The following TBXAS1 variants were observed in gnomAD, a reference collection of about 807,000 sequenced individuals.
TBXAS1 encodes thromboxane A synthase 1, also known as thromboxane-A synthase.
TBXAS1 carries 48 observed loss-of-function variants against 60.7 expected under a neutral mutation model. That is an observed-to-expected ratio of 0.79 (90% CI 0.63 to 1.01). TBXAS1 has a LOEUF of 1.01. Ranked by LOEUF, TBXAS1 falls within the 50% of genes least tolerant of loss-of-function variation. TBXAS1 has a pLI of 0.00. For missense variants in TBXAS1, 685 were observed against 686.3 expected, an observed-to-expected ratio of 1.00 and a Z score of 0.02; for synonymous variants, 287 against 269.7, an observed-to-expected ratio of 1.06 and a Z score of -0.63.
chr7:139,921,341 G>T (rs762837465), intron 4 of TBXAS1, among the ~76,000 whole-genome samples: 8 of 152,152 alleles, frequency 5.3e-5, no homozygotes, highest in Non-Finnish European at 1.0e-4. Flanking sequence ...CTTACAGTAT[G>T]TATCCTTTTG....
intron 2 of TBXAS1, among the ~76,000 whole-genome samples, chr7:139,872,602 C>T (rs935877516): frequency 5.9e-5 from 9 of 152,012 alleles, no homozygotes; most frequent in African/African-American, 1.4e-4. Flanking sequence ...TGCACTGAGC[C>T]GAGATTGCAC....
At chr7:139,888,510 T>TC (rs1379891667) in intron 3 of TBXAS1, among the ~76,000 whole-genome samples, 2 of 152,178 alleles carry the variant, frequency 1.3e-5, no homozygotes, top group Non-Finnish European at 2.9e-5. Context: ...TGGGTTTTTT[T>TC]CCCACAGTCT....
At chr7:139,809,233 T>TAGATGATAGATAGATAGATAGATA (rs1554466810) in intron 4 of TBXAS1, among the ~76,000 whole-genome samples, 5 of 130,998 alleles carry the variant, frequency 3.8e-5, no homozygotes, top group Non-Finnish European at 8.0e-5. Flanking sequence ...GATAGATAGA[T>TAGATGATAGATAGATAGATAGATA]GATAGATAGA....
chr7:139,947,523 C>T (rs1375034637), intron 5 of TBXAS1, among the ~76,000 whole-genome samples: 1 of 152,192 alleles, frequency 6.6e-6, no homozygotes, highest in Admixed American at 6.5e-5. Flanking sequence ...ATGTAACAAA[C>T]CTGCATGTCC....
intron 1 of TBXAS1, among the ~76,000 whole-genome samples, chr7:139,840,585 C>T (rs1480598813): frequency 6.6e-6 from 1 of 152,126 alleles, no homozygotes; most frequent in Non-Finnish European, 1.5e-5. Flanking sequence ...GAGATGGTCC[C>T]TTGAAAACGG....
chr7:139,941,680 TC>T (rs954460106), intron 5 of TBXAS1, among the ~76,000 whole-genome samples: 1 of 152,194 alleles, frequency 6.6e-6, no homozygotes, highest in Admixed American at 6.5e-5. Context: ...TTTCACTCCA[TC>T]CCCCGAAGAA....
chr7:139,801,849 T>C (rs6976974), intron 4 of TBXAS1, among the ~76,000 whole-genome samples: 104,331 of 151,940 alleles, frequency 0.69, 37,532 homozygotes, highest in East Asian at 0.95. Context: ...CTGCAACCTC[T>C]GCCTCCCAGG....
rs148406222 is a variant in TBXAS1, at chr7:140,000,679, C to G, written c.1135-6412C>G. On this transcript the variant is annotated intron_variant, in intron 9 of 12. Transcript: ENST00000448866. ...GAATGTAAATCACTAGGTAAAGATT[C>G]TGTTTATTTTATTTCCATGTTTCCC... Among the ~76,000 whole-genome samples, 638 of 119,102 alleles carry G rather than the reference C, an allele frequency of 5.4e-3. 2 individuals are homozygous for G. The highest frequency in any genetic ancestry group is 0.027 in the African/African-American group (598 of 21,840). The allele number at this position is 119,102 out of a possible 152,430, so 78.1% of individuals were successfully genotyped here.
intron 1 of TBXAS1, among the ~76,000 whole-genome samples, chr7:139,847,171 T>C (rs1238040858): frequency 1.3e-5 from 2 of 152,220 alleles, no homozygotes; most frequent in Admixed American, 1.3e-4. Flanking sequence ...AGCTTTAAAC[T>C]CAATTTGTTT....
chr7:139,914,442 A>G (rs1168510140), intron 4 of TBXAS1, among the ~76,000 whole-genome samples: 3 of 152,200 alleles, frequency 2.0e-5, no homozygotes, highest in Non-Finnish European at 4.4e-5. Context: ...AACCAGTGGC[A>G]GAACTTCTTA....
intron 1 of TBXAS1, among the ~76,000 whole-genome samples, chr7:139,861,920 C>A (rs750490078): frequency 6.6e-6 from 1 of 152,182 alleles, no homozygotes; most frequent in African/African-American, 2.4e-5. Flanking sequence ...CCAGGCATCA[C>A]GTTGCCCAAA....
Position 140,007,126 on chromosome 7 carries a change from GC to G in TBXAS1, c.1173del (p.Tyr392IlefsTer5), listed in dbSNP as rs1483215320. 1 of 1,614,020 alleles carries G rather than the reference GC, an allele frequency of 6.2e-7. No homozygotes were observed. The highest frequency in any genetic ancestry group is 2.2e-5 in the East Asian group (1 of 44,886). On this transcript the variant is annotated frameshift_variant, in exon 10 of 13. Coordinates refer to ENST00000448866, the MANE Select transcript of TBXAS1 (RefSeq NM_001061.7). LOFTEE classifies it high-confidence loss of function. The part of the protein sequence containing the change: ...PEFCSLEEGL[P>X]YLDMVIAETL... Reference sequence around the variant, plus strand: ...AGTTCTGCAGCCTCGAGGAAGGCCTGCCCTATCTGGACATGGTGATTGCAGA... The same window carrying G: ...AGTTCTGCAGCCTCGAGGAAGGCCTGCCTATCTGGACATGGTGATTGCAGA...
chr7:139,958,942 A>C (rs1338648215), intron 8 of TBXAS1, among the ~76,000 whole-genome samples: 1 of 152,116 alleles, frequency 6.6e-6, no homozygotes, highest in East Asian at 1.9e-4. Flanking sequence ...CAGGGGGAGA[A>C]GGGATAAAGA....
intron 1 of TBXAS1, among the ~76,000 whole-genome samples, chr7:139,850,295 G>A (rs1158886194): frequency 6.6e-6 from 1 of 152,218 alleles, no homozygotes; most frequent in East Asian, 1.9e-4. Flanking sequence ...TAAAAAAGAT[G>A]TGCTGACTGA....
At position 139,851,560 on chromosome 7, in the gene TBXAS1, T is replaced by C. The variant is rs1352878205; in HGVS notation, c.90-20675T>C. ...TCCAGTAAAAGCATGGCAGATCCTA[T>C]CTACTCTCTTAGTGATGCACAATGA... is the stretch of plus-strand genomic sequence containing the variant. On this transcript the variant is annotated intron_variant, in intron 1 of 12. Transcript: ENST00000448866. Among the ~76,000 whole-genome samples the C allele has an allele frequency of 3.3e-5, 5 of 152,370 alleles. No homozygotes were observed. In the East Asian group the frequency reaches 9.6e-4, roughly 29 times the overall value.
intron 6 of TBXAS1, 73 bp downstream of exon 6, chr7:139,953,529 G>A (rs1343675796): frequency 1.4e-6 from 2 of 1,419,638 alleles, no homozygotes; most frequent in Non-Finnish European, 2.0e-6. Flanking sequence ...CATAATTGCT[G>A]ACAATTACCT....
intron 4 of TBXAS1, chr7:139,797,131 A>G (rs1233220932): frequency 6.6e-6 from 1 of 152,238 alleles, no homozygotes; most frequent in African/African-American, 2.4e-5. Flanking sequence ...TTACACATAA[A>G]TAGAAAGAAG....
At chr7:139,813,935 T>C (rs1481029894) in intron 4 of TBXAS1, among the ~76,000 whole-genome samples, 2 of 152,198 alleles carry the variant, frequency 1.3e-5, no homozygotes, top group Non-Finnish European at 2.9e-5. Flanking sequence ...AAGTCTCTGT[T>C]GCTTGCATGT....
At chr7:139,894,504 A>C (rs1381153209) in intron 3 of TBXAS1, among the ~76,000 whole-genome samples, 2 of 152,170 alleles carry the variant, frequency 1.3e-5, no homozygotes, top group Non-Finnish European at 2.9e-5. Flanking sequence ...AGGCAAGAAG[A>C]TCCCTAAAGA....
Sources: gnomAD v4.1 joint callset for allele counts (sites outside exome capture counted in the v4.1 genomes callset) on GRCh38, gnomAD v4.1.1 for gene constraint, MANE v1.5 for transcripts, NCBI Gene and HGNC (gene_info 2026-07-23, HGNC 2026-07-21) for gene names.